The following B3GLCT variants were observed in gnomAD, a reference collection of about 807,000 sequenced individuals.
B3GLCT encodes beta-1,3-glucosyltransferase.
Under a neutral mutation model 63.4 loss-of-function variants are expected in B3GLCT, and 65 were observed. The ratio of observed to expected loss-of-function variants is 1.03; its 90% CI spans 0.84 to 1.26. The LOEUF is 1.26. B3GLCT is among the 50% of genes most tolerant of loss of function. The pLI is 0.00. For missense variants in B3GLCT, 577 were observed against 604.8 expected, an observed-to-expected ratio of 0.95 and a Z score of 0.48; for synonymous variants, 233 against 219.2, an observed-to-expected ratio of 1.06 and a Z score of -0.55.
chr13:31,208,513 C>T (rs1242645461), intron 1 of B3GLCT, among the ~76,000 whole-genome samples: 2 of 152,054 alleles, frequency 1.3e-5, no homozygotes, highest in East Asian at 3.9e-4. Context: ...CCTTCCCTCA[C>T]ACGTGCTACC....
At chr13:31,301,051 T>A (rs1361328844) in intron 12 of B3GLCT, among the ~76,000 whole-genome samples, 3 of 152,208 alleles carry the variant, frequency 2.0e-5, no homozygotes, top group Non-Finnish European at 2.9e-5. Flanking sequence ...AGAAGCAAGA[T>A]GGAGTCAGCC....
At position 31,271,096 on chromosome 13, in the gene B3GLCT, A is replaced by C. The variant is rs373003199; in HGVS notation, c.660+1819A>C. Among the ~76,000 whole-genome samples, 127 of 152,354 alleles carry C rather than the reference A, an allele frequency of 8.3e-4. 1 individual carries two copies. The highest frequency in any genetic ancestry group is 3.4e-3 in the Middle Eastern group (1 of 294). ...TGGGCCTCCATGCATGTGGGCCTCC[A>C]GTCCACTGCAGGCATGCCTAGGCAA... On this transcript the variant is annotated intron_variant, in intron 8 of 14. Coordinates refer to ENST00000343307, the MANE Select transcript of B3GLCT (RefSeq NM_194318.4).
chr13:31,249,471 G>T (rs892389165), intron 6 of B3GLCT, among the ~76,000 whole-genome samples: 8 of 152,038 alleles, frequency 5.3e-5, no homozygotes, highest in Non-Finnish European at 7.4e-5. Context: ...TTTCCTTTTG[G>T]CTTGGGAAAA....
chr13:31,247,251 T>C, intron 5 of B3GLCT, 152 bp downstream of exon 5: 1 of 670,190 alleles, frequency 1.5e-6, no homozygotes, highest in Non-Finnish European at 2.6e-6. Flanking sequence ...CTTAACCAAA[T>C]TTCTTGATGA....
In B3GLCT at chr13:31,329,628, C is replaced by T. The variant is rs1875813318; in HGVS notation, c.1457C>T (p.Ala486Val). The T allele has an allele frequency of 6.2e-7, 1 of 1,614,044 alleles. No individual in the cohort carries two copies. The highest frequency in any genetic ancestry group is 1.3e-5 in the African/African-American group (1 of 74,916). Residue 486 changes from alanine to valine, a missense_variant, in exon 15 of 15, where the codon GCC becomes GTC. By Grantham distance (64) the Ala-to-Val change is moderately conservative. Transcript: ENST00000343307. ...TTGGCACCCAGTGACGAAGACAAAGCCAGGCAGGAGACACAGAAAGGTTTT... is the reference window on the plus strand; with the variant it reads ...TTGGCACCCAGTGACGAAGACAAAGTCAGGCAGGAGACACAGAAAGGTTTT... The part of the protein sequence containing the change: ...TWLAPSDEDK[A>V]RQETQKGFRE...
chr13:31,239,991 G>A (rs2137792769), intron 4 of B3GLCT, among the ~76,000 whole-genome samples: 1 of 152,276 alleles, frequency 6.6e-6, no homozygotes, highest in South Asian at 2.1e-4. Flanking sequence ...TTTGGATGGG[G>A]AGCAGAGAAG....
chr13:31,215,230 A>C (rs1869500016), intron 2 of B3GLCT, 130 bp downstream of exon 2: 3 of 1,017,392 alleles, frequency 2.9e-6, no homozygotes, highest in East Asian at 4.8e-5. Flanking sequence ...AATGTGGTCA[A>C]CATGGATTTT....
intron 12 of B3GLCT, among the ~76,000 whole-genome samples, chr13:31,308,362 A>AAACAAAAAC (rs1555254601): frequency 1.8e-4 from 11 of 61,892 alleles, no homozygotes; most frequent in Non-Finnish European, 2.5e-4. Flanking sequence ...AAAAAAAAAC[A>AAACAAAAAC]AAAAAAAAAG....
At chr13:31,320,933 T>C (rs1170082790) in intron 13 of B3GLCT, among the ~76,000 whole-genome samples, 1 of 152,244 alleles carries the variant, frequency 6.6e-6, no homozygotes, top group Non-Finnish European at 1.5e-5. Flanking sequence ...TTTAGCCCAA[T>C]CTAGCCTCTC....
At chr13:31,291,631 G>A (rs999456068) in intron 12 of B3GLCT, among the ~76,000 whole-genome samples, 1 of 151,926 alleles carries the variant, frequency 6.6e-6, no homozygotes, top group Non-Finnish European at 1.5e-5. Flanking sequence ...TATTATTGGT[G>A]TATAGGAATG....
At chr13:31,225,437 T>C (rs891618792) in intron 3 of B3GLCT, among the ~76,000 whole-genome samples, 2 of 152,236 alleles carry the variant, frequency 1.3e-5, no homozygotes, top group African/African-American at 2.4e-5. Context: ...TTAGGCTGTA[T>C]GTCAGAAAAT....
chr13:31,215,563 G>A (rs1021222151), intron 2 of B3GLCT, among the ~76,000 whole-genome samples: 1 of 152,062 alleles, frequency 6.6e-6, no homozygotes, highest in Admixed American at 6.6e-5. Context: ...ACAGGCATGC[G>A]CCACCATGCC....
At chr13:31,226,163 G>T (rs578198157) in intron 3 of B3GLCT, among the ~76,000 whole-genome samples, 1 of 152,272 alleles carries the variant, frequency 6.6e-6, no homozygotes, top group South Asian at 2.1e-4. Context: ...GATTGTCTGG[G>T]CTCCAGTGCC....
At chr13:31,218,376 G>T (rs1869660422) in intron 2 of B3GLCT, among the ~76,000 whole-genome samples, 1 of 151,836 alleles carries the variant, frequency 6.6e-6, no homozygotes, top group South Asian at 2.1e-4. Flanking sequence ...TTTTAGTAGA[G>T]AATTTCACTA....
At chr13:31,214,923 G>C in intron 1 of B3GLCT, 128 bp from the exon 2 acceptor site, 1 of 867,474 alleles carries the variant, frequency 1.2e-6, no homozygotes, top group Non-Finnish European at 1.8e-6. Context: ...CAATGCAGCT[G>C]CTTAAAAATG....
At chr13:31,292,675 A>G (rs895072525) in intron 12 of B3GLCT, among the ~76,000 whole-genome samples, 3 of 146,562 alleles carry the variant, frequency 2.0e-5, no homozygotes, top group Non-Finnish European at 3.0e-5. Context: ...ATCATTTTTT[A>G]TAGTTTCTAT....
chr13:31,236,342 T>C (rs1394581042), intron 4 of B3GLCT, among the ~76,000 whole-genome samples: 6 of 152,246 alleles, frequency 3.9e-5, no homozygotes, highest in Non-Finnish European at 8.8e-5. Flanking sequence ...TAATTTTTAT[T>C]GTCCTTTATT....
chr13:31,261,209 A>G, intron 7 of B3GLCT, 127 bp downstream of exon 7: 2 of 1,104,844 alleles, frequency 1.8e-6, no homozygotes, highest in South Asian at 1.6e-5. Flanking sequence ...AGTGTGTGGT[A>G]AGATCTGGAA....
At chr13:31,231,612 C>T (rs913009235) in intron 4 of B3GLCT, among the ~76,000 whole-genome samples, 4 of 152,180 alleles carry the variant, frequency 2.6e-5, no homozygotes, top group Non-Finnish European at 5.9e-5. Flanking sequence ...TCATTGCTGG[C>T]TCTCTACCTG....
Sources: allele counts gnomAD v4.1 joint callset (sites outside exome capture counted in the v4.1 genomes callset), GRCh38; gene constraint gnomAD v4.1.1; transcripts MANE v1.5; gene names NCBI Gene and HGNC (gene_info 2026-07-23, HGNC 2026-07-21).